The following LINGO2 variants were observed in gnomAD, a reference collection of about 807,000 sequenced individuals.
LINGO2 encodes leucine rich repeat and Ig domain containing 2.
In LINGO2, 14 loss-of-function variants were observed where a neutral mutation model predicts 30.6. The observed-to-expected ratio is 0.46, with a 90% CI of 0.30 to 0.72. The LOEUF is 0.72. Ranked by LOEUF, LINGO2 falls within the 30% of genes least tolerant of loss-of-function variation. The pLI is 0.07. For missense variants in LINGO2, 729 were observed against 751.7 expected (o/e 0.97, Z 0.35); for synonymous variants, 317 against 288.5 (o/e 1.10, Z -1.00).
At chr9:28,846,715 A>C in the LINGO2 span, among the ~76,000 whole-genome samples, 1 of 146,796 alleles carries the variant, frequency 6.8e-6, no homozygotes, top group East Asian at 2.0e-4. Context: ...TCTGGGCCCA[A>C]TCTTCTTCCC....
At chr9:28,245,321 T>A (rs747086222) in intron 4 of LINGO2, among the ~76,000 whole-genome samples, 1 of 152,178 alleles carries the variant, frequency 6.6e-6, no homozygotes, top group African/African-American at 2.4e-5. Context: ...TAATAAGTGC[T>A]ATTTATAACA....
Position 28,578,457 on chromosome 9 carries a change from C to A in LINGO2, c.-365+91743G>T, listed in dbSNP as rs192636694. 2.7e-3 allele frequency among the ~76,000 whole-genome samples: 407 copies of A among 152,138 alleles called. 2 individuals carry two copies. The highest frequency in any genetic ancestry group is 0.012 in the South Asian group (57 of 4,816). On this transcript the variant is annotated intron_variant, in intron 1 of 5. Coordinates refer to ENST00000379992, the Ensembl canonical transcript of LINGO2. ...TGTGCAATAGCTTCATAAAGATTAA[C>A]AATTATTTAATGATATTATAGAAAG... is the stretch of plus-strand genomic sequence containing the variant.
intron 1 of LINGO2, among the ~76,000 whole-genome samples, chr9:28,579,881 A>G (rs1824173520): frequency 6.6e-6 from 1 of 152,146 alleles, no homozygotes; most frequent in Non-Finnish European, 1.5e-5. Flanking sequence ...TCAAGAATCA[A>G]TCAGTTTTCT....
At chr9:28,931,606 A>G in the LINGO2 span, among the ~76,000 whole-genome samples, 1 of 152,218 alleles carries the variant, frequency 6.6e-6, no homozygotes, top group Non-Finnish European at 1.5e-5. Flanking sequence ...GTGGTAAAGT[A>G]AAGAAAAATC....
the LINGO2 span, among the ~76,000 whole-genome samples, chr9:28,998,350 G>T: frequency 3.9e-5 from 6 of 152,238 alleles, no homozygotes; most frequent in African/African-American, 1.4e-4. Context: ...GGGATTAGGA[G>T]AGTGAAGTTG....
the LINGO2 span, among the ~76,000 whole-genome samples, chr9:28,684,987 T>A: frequency 1.3e-5 from 2 of 152,230 alleles, no homozygotes; most frequent in East Asian, 3.9e-4. Context: ...CCTCTCAACC[T>A]CCACCCTCAA....
the LINGO2 span, among the ~76,000 whole-genome samples, chr9:28,784,269 T>G: frequency 2.0e-5 from 3 of 152,166 alleles, no homozygotes; most frequent in Non-Finnish European, 4.4e-5. Flanking sequence ...AGTAATGTGT[T>G]AGATTTGAAG....
the LINGO2 span, among the ~76,000 whole-genome samples, chr9:29,139,069 T>C: frequency 6.6e-6 from 1 of 152,174 alleles, no homozygotes; most frequent in African/African-American, 2.4e-5. Flanking sequence ...CCAGCTGCTA[T>C]TATGTGAGCA....
the LINGO2 span, among the ~76,000 whole-genome samples, chr9:29,203,120 T>C: frequency 6.6e-6 from 1 of 152,136 alleles, no homozygotes; most frequent in East Asian, 1.9e-4. Context: ...TCTACAAAAA[T>C]AAGGTAAGAT....
At chr9:28,029,261 C>G (rs779552426) in intron 4 of LINGO2, among the ~76,000 whole-genome samples, 1 of 152,070 alleles carries the variant, frequency 6.6e-6, no homozygotes, top group Non-Finnish European at 1.5e-5. Context: ...GTATAAAATG[C>G]GAGGTCAGAT....
chr9:28,197,365 A>C (rs1380768091), intron 4 of LINGO2, among the ~76,000 whole-genome samples: 3 of 151,992 alleles, frequency 2.0e-5, no homozygotes, highest in African/African-American at 7.2e-5. Flanking sequence ...AATATCTTAA[A>C]CAGTGTAGTA....
In LINGO2 at chr9:28,199,864, C is replaced by T. The variant is rs73445965; in HGVS notation, c.-87+95344G>A. On this transcript the variant is annotated intron_variant, in intron 4 of 5. Transcript: ENST00000379992. ...AATTCTTCAAAAACAATATTACCAT[C>T]CGATAATAACCTTTTAAAGTATTAG... 7.6e-3 allele frequency among the ~76,000 whole-genome samples: 1,152 copies of T among 152,120 alleles called. 9 individuals are homozygous for T. The highest frequency in any genetic ancestry group is 0.027 in the African/African-American group (1,110 of 41,484).
chr9:28,101,459 G>A (rs961960696), intron 4 of LINGO2, among the ~76,000 whole-genome samples: 2 of 152,248 alleles, frequency 1.3e-5, no homozygotes, highest in East Asian at 3.9e-4. Context: ...GGAGAAAAAG[G>A]CTTCTAATTT....
At chr9:29,006,601 A>G in the LINGO2 span, among the ~76,000 whole-genome samples, 1 of 152,082 alleles carries the variant, frequency 6.6e-6, no homozygotes, top group South Asian at 2.1e-4. Flanking sequence ...ACTATTAAGG[A>G]ACACTTTACT....
the LINGO2 span, among the ~76,000 whole-genome samples, chr9:28,765,794 C>G: frequency 1.3e-5 from 2 of 152,062 alleles, no homozygotes; most frequent in East Asian, 3.9e-4. Context: ...TACCCAGTCT[C>G]TGATATCTCA....
At chr9:28,756,067 G>C in the LINGO2 span, among the ~76,000 whole-genome samples, 3 of 152,040 alleles carry the variant, frequency 2.0e-5, no homozygotes, top group Non-Finnish European at 2.9e-5. Context: ...CTCATTTGGA[G>C]ATGTGAGATG....
chr9:28,941,015 C>CCAA, the LINGO2 span, among the ~76,000 whole-genome samples: 1 of 147,416 alleles, frequency 6.8e-6, no homozygotes, highest in African/African-American at 2.5e-5. Context: ...TTTCTCTCCA[C>CCAA]AAAAAAAAAT....
chr9:28,850,303 G>A, the LINGO2 span, among the ~76,000 whole-genome samples: 757 of 152,066 alleles, frequency 5.0e-3, 13 homozygotes, highest in East Asian at 0.052. Context: ...AATAATATAT[G>A]TACTACTAAT....
intron 1 of LINGO2, among the ~76,000 whole-genome samples, chr9:28,611,311 C>A (rs1293745591): frequency 6.6e-6 from 1 of 152,006 alleles, no homozygotes; most frequent in Non-Finnish European, 1.5e-5. Flanking sequence ...CTACCATAAT[C>A]AAGCTAATTA....
Sources: gnomAD v4.1 joint callset for allele counts (sites outside exome capture counted in the v4.1 genomes callset) on GRCh38, gnomAD v4.1.1 for gene constraint, MANE v1.5 for transcripts, NCBI Gene and HGNC (gene_info 2026-07-23, HGNC 2026-07-21) for gene names.